The following SCAI variants were observed in gnomAD, a reference collection of about 807,000 sequenced individuals.
SCAI encodes suppressor of cancer cell invasion, also known as protein SCAI.
SCAI carries 24 observed loss-of-function variants against 92.2 expected under a neutral mutation model. The ratio of observed to expected loss-of-function variants is 0.26; its 90% CI spans 0.19 to 0.37. The LOEUF is 0.37. Among genes scored for constraint, SCAI ranks in the 10% least tolerant of loss-of-function variants. SCAI has a pLI of 1.00. For synonymous variants in SCAI, 261 were observed against 258.6 expected (o/e 1.01, Z -0.09); for missense variants, 450 against 736.2 (o/e 0.61, Z 4.50).
intron 2 of SCAI, among the ~76,000 whole-genome samples, chr9:125,109,632 T>C (rs1379088117): frequency 1.3e-5 from 2 of 151,522 alleles, no homozygotes; most frequent in African/African-American, 2.4e-5. Flanking sequence ...CTGAAGCAAC[T>C]ACTTAAATCA....
Position 125,003,680 on chromosome 9 carries a change from G to A in SCAI, c.862-110C>T, listed in dbSNP as rs1588144889. 7.4e-6 allele frequency: 5 copies of A among 676,400 alleles called. No individual in the cohort carries two copies. In the Middle Eastern group the frequency reaches 9.9e-4, roughly 134 times the overall value. 41.9% of individuals were successfully genotyped at this position (676,400 alleles called of 1,614,324 possible). A position where few individuals can be genotyped will look rare whatever the true frequency, so the allele number is the denominator to read the frequency against. Reference sequence around the variant, plus strand: ...CTTTCACATGTACTTCAGGGCTTTGGGTACCTTTTTCTCTAATATTTCGTT... The same window carrying A: ...CTTTCACATGTACTTCAGGGCTTTGAGTACCTTTTTCTCTAATATTTCGTT... On this transcript the variant is annotated intron_variant, in intron 9 of 17. Transcript: ENST00000336505.
chr9:125,106,122 A>AAAATATATATAT (rs1554791724), intron 2 of SCAI, among the ~76,000 whole-genome samples: 1 of 8,862 alleles, frequency 1.1e-4, no homozygotes, highest in African/African-American at 2.3e-4. Context: ...AAAAAAAAAA[A>AAAATATATATAT]ATATATATAT....
chr9:125,051,210 A>G (rs1463630754), intron 3 of SCAI, among the ~76,000 whole-genome samples: 1 of 151,458 alleles, frequency 6.6e-6, no homozygotes, highest in Admixed American at 6.6e-5. Context: ...TTTAGTAGAG[A>G]TGGGGTTTCA....
intron 2 of SCAI, among the ~76,000 whole-genome samples, chr9:125,132,839 C>T (rs1301459441): frequency 6.6e-6 from 1 of 152,138 alleles, no homozygotes; most frequent in African/African-American, 2.4e-5. Flanking sequence ...GTGGCACGCG[C>T]CTGTAATCCC....
chr9:124,979,452 A>G (rs1831832572), intron 14 of SCAI, among the ~76,000 whole-genome samples: 1 of 151,800 alleles, frequency 6.6e-6, no homozygotes, highest in African/African-American at 2.4e-5. Context: ...AGGCAGGAGA[A>G]TTGCTAGAAC....
intron 2 of SCAI, among the ~76,000 whole-genome samples, chr9:125,090,180 C>T (rs1460011704): frequency 6.6e-6 from 1 of 152,166 alleles, no homozygotes; most frequent in Non-Finnish European, 1.5e-5. Flanking sequence ...TCTTAATTAA[C>T]AAATGATGAA....
At chr9:125,073,441 C>T (rs1834023460) in intron 2 of SCAI, among the ~76,000 whole-genome samples, 1 of 152,154 alleles carries the variant, frequency 6.6e-6, no homozygotes, top group Non-Finnish European at 1.5e-5. Context: ...ATATTGTTTT[C>T]CACAGTGGCT....
chr9:125,108,379 G>C (rs547274219), intron 2 of SCAI, among the ~76,000 whole-genome samples: 1 of 151,974 alleles, frequency 6.6e-6, no homozygotes, highest in Admixed American at 6.6e-5. Flanking sequence ...TCCCGTCTAG[G>C]AAGTGAGGAG....
At chr9:125,063,645 G>A (rs1309742712) in intron 2 of SCAI, among the ~76,000 whole-genome samples, 2 of 151,530 alleles carry the variant, frequency 1.3e-5, no homozygotes, top group African/African-American at 4.9e-5. Context: ...GTGTAGCTAC[G>A]CTATTATCAG....
chr9:124,974,322 C>G, intron 15 of SCAI: 1 of 387,076 alleles, frequency 2.6e-6, no homozygotes, highest in South Asian at 2.0e-5. Context: ...GTAGTGTATA[C>G]CTGTGGTCCC....
At chr9:125,085,239 C>A (rs571096190) in intron 2 of SCAI, among the ~76,000 whole-genome samples, 1 of 152,158 alleles carries the variant, frequency 6.6e-6, no homozygotes, top group Non-Finnish European at 1.5e-5. Context: ...GTAATCCCAG[C>A]GCTTCGGGAG....
At chr9:125,078,781 C>T (rs190699181) in intron 2 of SCAI, among the ~76,000 whole-genome samples, 40 of 152,178 alleles carry the variant, frequency 2.6e-4, no homozygotes, top group Admixed American at 1.7e-3. Context: ...TGTGGTGGTG[C>T]ACACCTGTAG....
chr9:125,093,919 CACTTTCTA>C (rs2131201058), intron 2 of SCAI, among the ~76,000 whole-genome samples: 1 of 152,164 alleles, frequency 6.6e-6, no homozygotes, highest in Admixed American at 6.5e-5. Flanking sequence ...TTCCAGTCTC[CACTTTCTA>C]ACTTTCTATT....
Position 125,018,934 on chromosome 9 carries a change from T to A in SCAI, c.726A>T (p.Val242=), listed in dbSNP as rs753532964. ...AAFIEADPVM[V]LNDDNTIVIT... ...TAACAATGGTATTATCATCATTTAA[T>A]ACCATTACAGGATCCGCCTAAAGAA... is the stretch of plus-strand genomic sequence containing the variant. The change falls in exon 9 of 18, where the codon GTA becomes GTT. Residue 242 remains valine (V), a synonymous_variant. Coordinates refer to ENST00000336505, the MANE Select transcript of SCAI (RefSeq NM_001144877.3). 2.2e-5 allele frequency: 35 copies of A among 1,613,684 alleles called. No homozygotes were observed. The South Asian group carries it at 3.5e-4, about 16-fold the overall frequency.
At chr9:124,996,446 C>T (rs1362802017) in intron 13 of SCAI, among the ~76,000 whole-genome samples, 10 of 151,946 alleles carry the variant, frequency 6.6e-5, no homozygotes, top group African/African-American at 2.2e-4. Context: ...GGACCATGGG[C>T]GTGCACCTCA....
intron 2 of SCAI, among the ~76,000 whole-genome samples, chr9:125,090,137 C>G (rs989946722): frequency 1.2e-4 from 19 of 152,156 alleles, no homozygotes; most frequent in Non-Finnish European, 2.6e-4. Context: ...CCCTTCAGCA[C>G]AATAGTATAC....
intron 15 of SCAI, among the ~76,000 whole-genome samples, chr9:124,975,052 T>G (rs1831728501): frequency 6.6e-6 from 1 of 152,178 alleles, no homozygotes; most frequent in Non-Finnish European, 1.5e-5. Flanking sequence ...GACAGATTGA[T>G]AGCAAAAAGT....
chr9:125,034,988 T>C (rs993422428), intron 3 of SCAI, among the ~76,000 whole-genome samples: 2 of 152,204 alleles, frequency 1.3e-5, no homozygotes, highest in Admixed American at 6.5e-5. Flanking sequence ...ACTATGATTA[T>C]AGCATGGTAA....
intron 2 of SCAI, among the ~76,000 whole-genome samples, chr9:125,133,611 C>T (rs1411220332): frequency 6.6e-6 from 1 of 152,160 alleles, no homozygotes; most frequent in African/African-American, 2.4e-5. Flanking sequence ...TACCAGTGTA[C>T]ACCCACAGAA....
Sources: gnomAD v4.1 joint callset for allele counts (sites outside exome capture counted in the v4.1 genomes callset) on GRCh38, gnomAD v4.1.1 for gene constraint, MANE v1.5 for transcripts, NCBI Gene and HGNC (gene_info 2026-07-23, HGNC 2026-07-21) for gene names.